GALNT17: variants seen among roughly 807,000 people sequenced by gnomAD.
The protein encoded by GALNT17 is UDP-GalNAc:polypeptide N-acetylgalactosaminyltransferase-like 3.
In GALNT17, 29 loss-of-function variants were observed where a neutral mutation model predicts 63.7. The observed-to-expected ratio is 0.46, with a 90% CI of 0.34 to 0.62. The LOEUF is 0.62. Ranked by LOEUF, GALNT17 falls within the 20% of genes least tolerant of loss-of-function variation. GALNT17 has a pLI of 0.01. For synonymous variants in GALNT17, 305 were observed against 318.3 expected (o/e 0.96, Z 0.45); for missense variants, 603 against 799.6 (o/e 0.75, Z 2.97).
intron 1 of GALNT17, among the ~76,000 whole-genome samples, chr7:71,152,827 C>T (rs1585842033): frequency 6.6e-6 from 1 of 151,734 alleles, no homozygotes; most frequent in African/African-American, 2.4e-5. Flanking sequence ...GAGACGGGGT[C>T]TCACCATGTT....
intron 1 of GALNT17, among the ~76,000 whole-genome samples, chr7:71,296,171 C>T (rs929629384): frequency 4.6e-5 from 7 of 152,230 alleles, no homozygotes; most frequent in East Asian, 1.9e-4. Context: ...TAGTAATTAT[C>T]TTTCACATTT....
intron 6 of GALNT17, among the ~76,000 whole-genome samples, chr7:71,589,413 C>T (rs115162023): frequency 0.025 from 3,832 of 151,892 alleles, 172 homozygotes; most frequent in African/African-American, 0.087. Flanking sequence ...CCCGTCTCTA[C>T]AAAAAATAAT....
chr7:71,404,358 CTTTTTG>C (rs1793290898), intron 3 of GALNT17, among the ~76,000 whole-genome samples: 1 of 152,074 alleles, frequency 6.6e-6, no homozygotes, highest in African/African-American at 2.4e-5. Context: ...TTCTTTTGTC[CTTTTTG>C]TCCTTGCTTT....
intron 2 of GALNT17, among the ~76,000 whole-genome samples, chr7:71,347,597 T>G (rs1792118494): frequency 1.3e-5 from 2 of 150,436 alleles, no homozygotes; most frequent in Admixed American, 6.7e-5. Flanking sequence ...ATGGAAAACT[T>G]TAATCTAGGA....
intron 6 of GALNT17, among the ~76,000 whole-genome samples, chr7:71,622,722 G>A (rs1790314992): frequency 6.6e-6 from 1 of 152,116 alleles, no homozygotes; most frequent in African/African-American, 2.4e-5. Flanking sequence ...GATGGGAAGA[G>A]GTGGAAGGAC....
At chr7:71,421,639 T>C (rs1786666872) in intron 5 of GALNT17, among the ~76,000 whole-genome samples, 1 of 152,056 alleles carries the variant, frequency 6.6e-6, no homozygotes, top group Admixed American at 6.6e-5. Context: ...GGCATACCAG[T>C]TGCAGAACTC....
At chr7:71,634,673 G>C (rs1790503142) in intron 6 of GALNT17, among the ~76,000 whole-genome samples, 1 of 150,726 alleles carries the variant, frequency 6.6e-6, no homozygotes, top group Non-Finnish European at 1.5e-5. Flanking sequence ...AGAATTGCTT[G>C]AACCTGGGAG....
chr7:71,654,901 G>A (rs1169889000), intron 6 of GALNT17, among the ~76,000 whole-genome samples: 1 of 152,124 alleles, frequency 6.6e-6, no homozygotes, highest in African/African-American at 2.4e-5. Context: ...CGATTCGTCT[G>A]CCTCAGCCTC....
chr7:71,449,533 T>G (rs1297513145), intron 5 of GALNT17, among the ~76,000 whole-genome samples: 4 of 152,170 alleles, frequency 2.6e-5, no homozygotes, highest in African/African-American at 9.7e-5. Context: ...GAACAAATCT[T>G]TATCTCATTC....
chr7:71,696,011 G>T (rs1018015043), intron 9 of GALNT17, among the ~76,000 whole-genome samples: 3 of 152,150 alleles, frequency 2.0e-5, no homozygotes, highest in Non-Finnish European at 4.4e-5. Flanking sequence ...ATTCTTCTGG[G>T]CTTTAACCAA....
At chr7:71,572,580 G>A (rs1471449830) in intron 6 of GALNT17, among the ~76,000 whole-genome samples, 4 of 146,980 alleles carry the variant, frequency 2.7e-5, no homozygotes, top group African/African-American at 5.1e-5. Context: ...TATACATTGT[G>A]AAATGAGCAC....
At chr7:71,492,418 CACTT>C (rs1259866655) in intron 5 of GALNT17, among the ~76,000 whole-genome samples, 2 of 152,206 alleles carry the variant, frequency 1.3e-5, no homozygotes, top group Non-Finnish European at 2.9e-5. Flanking sequence ...AGGAGCCTCT[CACTT>C]ACACCCACCT....
At chr7:71,646,850 C>T (rs1289630916) in intron 6 of GALNT17, among the ~76,000 whole-genome samples, 2 of 149,446 alleles carry the variant, frequency 1.3e-5, no homozygotes, top group African/African-American at 5.0e-5. Context: ...AGGTTCATGC[C>T]ATTCTCCTGC....
chr7:71,424,089 A>C (rs965572803), intron 5 of GALNT17, among the ~76,000 whole-genome samples: 2 of 152,218 alleles, frequency 1.3e-5, no homozygotes, highest in African/African-American at 4.8e-5. Flanking sequence ...CAGCTCCCAC[A>C]CCAACTGTTC....
chr7:71,677,667 A>T (rs2117067946), intron 9 of GALNT17, among the ~76,000 whole-genome samples: 1 of 151,954 alleles, frequency 6.6e-6, no homozygotes, highest in Admixed American at 6.6e-5. Flanking sequence ...TGCGCCCGCC[A>T]CTGCGCCCAG....
intron 9 of GALNT17, among the ~76,000 whole-genome samples, chr7:71,697,126 C>T (rs772559336): frequency 6.6e-6 from 1 of 151,964 alleles, no homozygotes; most frequent in South Asian, 2.1e-4. Context: ...AAGAGTTACA[C>T]CTGAAAAGGT....
At chr7:71,580,963 T>C (rs979321920) in intron 6 of GALNT17, among the ~76,000 whole-genome samples, 2 of 152,098 alleles carry the variant, frequency 1.3e-5, no homozygotes, top group Non-Finnish European at 2.9e-5. Flanking sequence ...AATCTGTTCT[T>C]ACACTGCTAT....
intron 6 of GALNT17, among the ~76,000 whole-genome samples, chr7:71,586,659 A>G (rs1454654115): frequency 6.8e-6 from 1 of 147,794 alleles, no homozygotes; most frequent in Non-Finnish European, 1.5e-5. Flanking sequence ...GTCAGAATCT[A>G]TTTTACCAAA....
At chr7:71,410,282 A>G (rs1018539946) in intron 3 of GALNT17, among the ~76,000 whole-genome samples, 4 of 146,954 alleles carry the variant, frequency 2.7e-5, no homozygotes, top group Admixed American at 1.4e-4. Context: ...GTCTCACTCT[A>G]TTGCCCAGGC....
Sources: allele counts gnomAD v4.1 joint callset (sites outside exome capture counted in the v4.1 genomes callset), GRCh38; gene constraint gnomAD v4.1.1; transcripts MANE v1.5; gene names NCBI Gene and HGNC (gene_info 2026-07-23, HGNC 2026-07-21).